Variants in NR6A1 observed in about 807,000 individuals in gnomAD.
NR6A1 encodes retinoic acid receptor-related testis-associated receptor.
A neutral mutation model predicts 59.1 loss-of-function variants in NR6A1; 7 were observed. The observed-to-expected ratio is 0.12, with a 90% CI of 0.07 to 0.22. NR6A1 has a LOEUF of 0.22. Ranked by LOEUF, NR6A1 falls within the 10% of genes least tolerant of loss-of-function variation. The probability of loss-of-function intolerance (pLI) is 1.00; values close to 1 mark genes in which losing one functional copy is unlikely to be tolerated. For missense variants in NR6A1, 468 were observed against 611.6 expected (o/e 0.77, Z 2.48); for synonymous variants, 243 against 236.1 (o/e 1.03, Z -0.27).
intron 2 of NR6A1, chr9:124,598,590 C>CTT (rs1835346659): frequency 6.7e-6 from 2 of 300,156 alleles, no homozygotes; most frequent in Non-Finnish European, 1.2e-5. Flanking sequence ...ATATAACGGC[C>CTT]TTTTGTAAAA....
chr9:124,601,791 G>A (rs1375392184), intron 2 of NR6A1, among the ~76,000 whole-genome samples: 2 of 151,414 alleles, frequency 1.3e-5, no homozygotes, highest in African/African-American at 4.9e-5. Flanking sequence ...AGGGAGACCC[G>A]TCTCTATAAA....
chr9:124,551,719 A>AC (rs1554726604), intron 3 of NR6A1, among the ~76,000 whole-genome samples: 1 of 152,056 alleles, frequency 6.6e-6, no homozygotes, highest in Non-Finnish European at 1.5e-5. Context: ...CTGCCCTTTA[A>AC]CCCCCAAAAC....
chr9:124,688,957 T>G (rs975248416), intron 2 of NR6A1, among the ~76,000 whole-genome samples: 1 of 152,196 alleles, frequency 6.6e-6, no homozygotes, highest in African/African-American at 2.4e-5. Flanking sequence ...TCTCATTTTA[T>G]AGACTCAGGA....
At chr9:124,587,862 A>C (rs1470391455) in intron 2 of NR6A1, among the ~76,000 whole-genome samples, 1 of 152,178 alleles carries the variant, frequency 6.6e-6, no homozygotes, top group Non-Finnish European at 1.5e-5. Flanking sequence ...AAGGCGCTGG[A>C]TCAATAATTC....
At chr9:124,715,721 A>G (rs1228554121) in intron 2 of NR6A1, among the ~76,000 whole-genome samples, 1 of 152,180 alleles carries the variant, frequency 6.6e-6, no homozygotes, top group East Asian at 1.9e-4. Flanking sequence ...AAAAAAAAAC[A>G]CTACAATAGC....
At chr9:124,674,060 A>G (rs1164357603) in intron 2 of NR6A1, among the ~76,000 whole-genome samples, 1 of 152,176 alleles carries the variant, frequency 6.6e-6, no homozygotes, top group Non-Finnish European at 1.5e-5. Flanking sequence ...CATTTCCAAA[A>G]TGAGAATAAT....
At chr9:124,632,048 T>C (rs1836460252) in intron 2 of NR6A1, among the ~76,000 whole-genome samples, 1 of 152,248 alleles carries the variant, frequency 6.6e-6, no homozygotes, top group South Asian at 2.1e-4. Flanking sequence ...ATATGTACAT[T>C]TTCTTTACCT....
chr9:124,613,647 G>T (rs1032595264), intron 2 of NR6A1, among the ~76,000 whole-genome samples: 1 of 152,072 alleles, frequency 6.6e-6, no homozygotes, highest in Non-Finnish European at 1.5e-5. Context: ...GGGTGACAGG[G>T]CAAGACTCTA....
At chr9:124,611,122 A>G (rs1488387548) in intron 2 of NR6A1, among the ~76,000 whole-genome samples, 1 of 151,914 alleles carries the variant, frequency 6.6e-6, no homozygotes, top group Admixed American at 6.6e-5. Context: ...AGTGTCCCAC[A>G]GTAAGATACA....
intron 2 of NR6A1, among the ~76,000 whole-genome samples, chr9:124,617,718 A>G (rs1835941605): frequency 6.6e-6 from 1 of 152,164 alleles, no homozygotes; most frequent in Non-Finnish European, 1.5e-5. Flanking sequence ...TGCAGACATT[A>G]AGCCTGGGGA....
intron 2 of NR6A1, among the ~76,000 whole-genome samples, chr9:124,579,040 G>A (rs1271517780): frequency 6.6e-6 from 1 of 152,228 alleles, no homozygotes; most frequent in East Asian, 1.9e-4. Context: ...CCGGCACTTT[G>A]GGAGTCTGAG....
At chr9:124,618,744 T>C (rs2130856714) in intron 2 of NR6A1, among the ~76,000 whole-genome samples, 1 of 152,320 alleles carries the variant, frequency 6.6e-6, no homozygotes, top group South Asian at 2.1e-4. Flanking sequence ...TATTTGCCAT[T>C]TGTTCACTGC....
rs140549265 is a variant in NR6A1 at position 124,729,485 on chromosome 9, G to A, written c.142+3823C>T. 4.3e-4 allele frequency among the ~76,000 whole-genome samples: 65 copies of A among 152,294 alleles called. 1 individual carries two copies. The highest frequency in any genetic ancestry group is 7.8e-4 in the Admixed American group (12 of 15,296). Reference sequence around the variant, plus strand: ...TGTAGTCACAGCTACTCAGGAAACTGAGGTGGAAGGATCACCTGAGCCCAT... The same window carrying A: ...TGTAGTCACAGCTACTCAGGAAACTAAGGTGGAAGGATCACCTGAGCCCAT... On this transcript the variant is annotated intron_variant, in intron 2 of 9. Coordinates refer to ENST00000487099, the MANE Select transcript of NR6A1 (RefSeq NM_033334.4).
chr9:124,524,991 C>A, intron 8 of NR6A1, 118 bp from the exon 9 acceptor site: 1 of 1,168,918 alleles, frequency 8.6e-7, no homozygotes, highest in Non-Finnish European at 1.2e-6. Flanking sequence ...TAAACATTGT[C>A]ACAACAGGAG....
chr9:124,553,245 A>G (rs180793759), intron 3 of NR6A1, among the ~76,000 whole-genome samples: 1 of 152,200 alleles, frequency 6.6e-6, no homozygotes, highest in African/African-American at 2.4e-5. Context: ...CCATGGGAAT[A>G]CCACTCTAGG....
chr9:124,658,487 A>G (rs1049736836), intron 2 of NR6A1: 1 of 152,152 alleles, frequency 6.6e-6, no homozygotes, highest in Non-Finnish European at 1.5e-5. Flanking sequence ...CCTGGGTTCC[A>G]GTATCTAATT....
At chr9:124,561,490 G>C (rs1012920298) in intron 2 of NR6A1, among the ~76,000 whole-genome samples, 5 of 152,120 alleles carry the variant, frequency 3.3e-5, no homozygotes, top group Admixed American at 2.0e-4. Context: ...TAAGGCAATA[G>C]ATTACCCATA....
At chr9:124,703,125 G>A (rs1010229473) in intron 2 of NR6A1, among the ~76,000 whole-genome samples, 2 of 151,190 alleles carry the variant, frequency 1.3e-5, no homozygotes, top group African/African-American at 4.9e-5. Context: ...AGCTGGTCTC[G>A]AACTCCTGAC....
At chr9:124,628,255 T>C (rs1836308697) in intron 2 of NR6A1, among the ~76,000 whole-genome samples, 1 of 152,220 alleles carries the variant, frequency 6.6e-6, no homozygotes, top group Non-Finnish European at 1.5e-5. Flanking sequence ...CTTGAACTCC[T>C]GACCTCAGGT....
Sources: gnomAD v4.1 joint callset for allele counts (sites outside exome capture counted in the v4.1 genomes callset) on GRCh38, gnomAD v4.1.1 for gene constraint, MANE v1.5 for transcripts, NCBI Gene and HGNC (gene_info 2026-07-23, HGNC 2026-07-21) for gene names.